Variants in UBAC2 observed in about 807,000 individuals in gnomAD.
UBAC2 encodes the protein ubiquitin-associated domain-containing protein 2.
UBAC2 carries 26 observed loss-of-function variants against 44.0 expected under a neutral mutation model. The observed-to-expected ratio is 0.59, with a 90% CI of 0.43 to 0.82. UBAC2 has a LOEUF of 0.82. Ranked by LOEUF, UBAC2 falls within the 40% of genes least tolerant of loss-of-function variation. The probability of loss-of-function intolerance (pLI) is 0.00; values close to 1 mark genes in which losing one functional copy is unlikely to be tolerated. For missense variants in UBAC2, 329 were observed against 419.4 expected (o/e 0.78, Z 1.88); for synonymous variants, 155 against 154.3 (o/e 1.00, Z -0.04).
intron 4 of UBAC2, among the ~76,000 whole-genome samples, chr13:99,259,215 T>G (rs2043619948): frequency 6.6e-6 from 1 of 152,180 alleles, no homozygotes; most frequent in Non-Finnish European, 1.5e-5. Context: ...AAAAAAATTA[T>G]CTCTCATTTG....
At chr13:99,350,678 G>GT (rs2045071259) in intron 7 of UBAC2, among the ~76,000 whole-genome samples, 1 of 152,258 alleles carries the variant, frequency 6.6e-6, no homozygotes, top group African/African-American at 2.4e-5. Flanking sequence ...AGATGTCAGT[G>GT]TTTCCCTGAG....
At position 99,248,412 on chromosome 13, in the gene UBAC2, A is replaced by T. The variant is rs539972091; in HGVS notation, c.389+3788A>T. On this transcript the variant is annotated intron_variant, in intron 4 of 8. Coordinates refer to ENST00000403766, the MANE Select transcript of UBAC2 (RefSeq NM_001144072.2). The stretch of plus-strand genomic sequence containing the variant: ...AATTTTTTTTTTTTTTTTTTTTGAG[A>T]CAGATTTTCACTCTTGCCGCCCAGG... Among the ~76,000 whole-genome samples the T allele has an allele frequency of 3.6e-5, 5 of 138,078 alleles. No individual in the cohort carries two copies. The South Asian group carries it at 1.1e-3, about 31-fold the overall frequency. 90.6% of individuals were successfully genotyped at this position (138,078 alleles called of 152,430 possible). A position where few individuals can be genotyped will look rare whatever the true frequency, so the allele number is the denominator to read the frequency against.
chr13:99,271,470 G>T (rs553982719), intron 4 of UBAC2, among the ~76,000 whole-genome samples: 1 of 152,278 alleles, frequency 6.6e-6, no homozygotes, highest in African/African-American at 2.4e-5. Context: ...ATGAGGCCAG[G>T]GAGGTAAGAG....
chr13:99,220,766 G>A (rs1191014293), intron 1 of UBAC2, among the ~76,000 whole-genome samples: 2 of 152,000 alleles, frequency 1.3e-5, no homozygotes, highest in Non-Finnish European at 2.9e-5. Flanking sequence ...CAGAGAGGCC[G>A]AAGATTACTA....
At chr13:99,358,980 G>A (rs1007128291) in intron 7 of UBAC2, among the ~76,000 whole-genome samples, 1 of 152,168 alleles carries the variant, frequency 6.6e-6, no homozygotes, top group Non-Finnish European at 1.5e-5. Flanking sequence ...TCTACCCCAT[G>A]AAGCCCTAGG....
intron 8 of UBAC2, among the ~76,000 whole-genome samples, chr13:99,375,500 A>C (rs2045467843): frequency 1.3e-5 from 2 of 152,156 alleles, no homozygotes; most frequent in Admixed American, 1.3e-4. Context: ...CCCTGCACCC[A>C]GTGTGAGCTC....
At chr13:99,272,245 C>A (rs1011949500) in intron 4 of UBAC2, among the ~76,000 whole-genome samples, 1 of 152,150 alleles carries the variant, frequency 6.6e-6, no homozygotes, top group East Asian at 1.9e-4. Context: ...ATTTTAATTT[C>A]TATCTTTGTT....
At chr13:99,335,002 C>T (rs1270730861) in intron 6 of UBAC2, among the ~76,000 whole-genome samples, 5 of 152,148 alleles carry the variant, frequency 3.3e-5, no homozygotes, top group Admixed American at 3.3e-4. Flanking sequence ...AAGTAGACTT[C>T]TCTATGAGTA....
At chr13:99,220,032 A>G (rs999222511) in intron 1 of UBAC2, among the ~76,000 whole-genome samples, 18 of 151,682 alleles carry the variant, frequency 1.2e-4, no homozygotes, top group African/African-American at 3.4e-4. Flanking sequence ...GTTTTTGTGG[A>G]AAAAAAAATC....
At chr13:99,315,739 C>G (rs2044479909) in intron 5 of UBAC2, among the ~76,000 whole-genome samples, 1 of 152,018 alleles carries the variant, frequency 6.6e-6, no homozygotes, top group South Asian at 2.1e-4. Flanking sequence ...CAATTGGTTA[C>G]TATTAATTAA....
At chr13:99,247,405 G>A (rs1455468445) in intron 4 of UBAC2, among the ~76,000 whole-genome samples, 12 of 151,398 alleles carry the variant, frequency 7.9e-5, no homozygotes, top group African/African-American at 2.4e-4. Flanking sequence ...TAGTAGAGAC[G>A]GGGTTTCACC....
At chr13:99,365,923 AT>A (rs1667852368) in intron 7 of UBAC2, among the ~76,000 whole-genome samples, 1 of 152,190 alleles carries the variant, frequency 6.6e-6, no homozygotes, top group Non-Finnish European at 1.5e-5. Context: ...TGTGTTACAT[AT>A]AAATATGATA....
rs753027904 is a variant in UBAC2 at position 99,351,760 on chromosome 13, A to C, written c.807+11195A>C. 2.0e-4 allele frequency: 91 copies of C among 456,738 alleles called. 2 individuals carry two copies. Among genetic ancestry groups the C allele is most frequent in the South Asian group, 1.2e-3 (80 of 64,568 alleles). The allele number at this position is 456,738 out of a possible 1,614,324, so 28.3% of individuals were successfully genotyped here. A position where few individuals can be genotyped will look rare whatever the true frequency, so the allele number is the denominator to read the frequency against. ...GTGAATGAATCCTGCTTGTTGGTACAAGCCAAGTGGGACATTTGGCAGCAA... is the reference window on the plus strand; with the variant it reads ...GTGAATGAATCCTGCTTGTTGGTACCAGCCAAGTGGGACATTTGGCAGCAA... On this transcript the variant is annotated intron_variant, in intron 7 of 8. Transcript: ENST00000403766.
intron 5 of UBAC2, among the ~76,000 whole-genome samples, chr13:99,317,462 G>C (rs541796381): frequency 1.6e-4 from 25 of 152,202 alleles, no homozygotes; most frequent in African/African-American, 4.3e-4. Context: ...AATTAACTTT[G>C]TTCTGTTATT....
intron 7 of UBAC2, among the ~76,000 whole-genome samples, chr13:99,349,736 C>T (rs936319885): frequency 2.0e-5 from 3 of 152,168 alleles, no homozygotes; most frequent in Non-Finnish European, 2.9e-5. Flanking sequence ...CTATCTACTA[C>T]GAACTTCAAA....
At chr13:99,275,639 C>G (rs1254205391) in intron 4 of UBAC2, among the ~76,000 whole-genome samples, 1 of 152,068 alleles carries the variant, frequency 6.6e-6, no homozygotes, top group Admixed American at 6.5e-5. Flanking sequence ...CTACCTGCCT[C>G]TTCTACCCAC....
intron 1 of UBAC2, among the ~76,000 whole-genome samples, chr13:99,226,213 C>G (rs1282654063): frequency 2.0e-5 from 3 of 152,064 alleles, no homozygotes; most frequent in Non-Finnish European, 4.4e-5. Context: ...CAAGATGGGC[C>G]CAGATCTTGT....
rs1462315031 is a variant in UBAC2 at position 99,385,217 on chromosome 13, T to A, written c.928-11T>A. ...AGCGCCCTCAGGTTTCTGCGTTTTCTCTGCCTGCAGGTCGCCCGGCTCATG... is the reference window on the plus strand; with the variant it reads ...AGCGCCCTCAGGTTTCTGCGTTTTCACTGCCTGCAGGTCGCCCGGCTCATG... On this transcript the variant is annotated splice_polypyrimidine_tract_variant and intron_variant, in intron 8 of 8. Coordinates refer to ENST00000403766, the MANE Select transcript of UBAC2 (RefSeq NM_001144072.2). 1.2e-6 allele frequency: 2 copies of A among 1,610,712 alleles called. No homozygotes were observed. Among genetic ancestry groups the A allele is most frequent in the Admixed American group, 3.3e-5 (2 of 60,030 alleles).
chr13:99,345,943 A>G (rs762977979), intron 7 of UBAC2, among the ~76,000 whole-genome samples: 5 of 151,916 alleles, frequency 3.3e-5, no homozygotes, highest in African/African-American at 7.3e-5. Flanking sequence ...GGGTTTCACC[A>G]TGTTGGCCAG....
Sources: gnomAD v4.1 joint callset for allele counts (sites outside exome capture counted in the v4.1 genomes callset) on GRCh38, gnomAD v4.1.1 for gene constraint, MANE v1.5 for transcripts, NCBI Gene and HGNC (gene_info 2026-07-23, HGNC 2026-07-21) for gene names.